The following ATP11B variants were observed in gnomAD, a reference collection of about 807,000 sequenced individuals.
The protein encoded by ATP11B is phospholipid-transporting ATPase IF.
Under a neutral mutation model 157.8 loss-of-function variants are expected in ATP11B, and 81 were observed. The observed-to-expected ratio is 0.51, with a 90% CI of 0.43 to 0.62. ATP11B has a LOEUF of 0.62. Ranked by LOEUF, ATP11B falls within the 20% of genes least tolerant of loss-of-function variation. The pLI, the probability that ATP11B is intolerant of heterozygous loss-of-function variation, is 0.00. For synonymous variants in ATP11B, 451 were observed against 469.4 expected (o/e 0.96, Z 0.51); for missense variants, 1,165 against 1,402.2 (o/e 0.83, Z 2.70).
chr3:182,844,562 CAAG>C, intron 8 of ATP11B: 2 of 984,814 alleles, frequency 2.0e-6, no homozygotes, highest in Non-Finnish European at 2.4e-6. Context: ...ATTCAAACAG[CAAG>C]AAGACCTGTG....
intron 20 of ATP11B, among the ~76,000 whole-genome samples, chr3:182,880,362 T>C (rs1722334840): frequency 6.6e-6 from 1 of 152,184 alleles, no homozygotes; most frequent in Non-Finnish European, 1.5e-5. Flanking sequence ...CTATGGAGAC[T>C]AAAACTGGAG....
rs539139432 is a variant in ATP11B, at chr3:182,882,753, C to G, written c.2509+1772C>G. Among the ~76,000 whole-genome samples, 6 of 152,020 alleles carry G rather than the reference C, an allele frequency of 3.9e-5. No homozygotes were observed. In the South Asian group the frequency reaches 1.2e-3, roughly 32 times the overall value. On this transcript the variant is annotated intron_variant, in intron 21 of 29. Transcript: ENST00000323116. Reference sequence around the variant, plus strand: ...CAAAACAAATTTTAAAAACAAAGGACAAACTAGTAAAGAATATTTGTAAAA... The same window carrying G: ...CAAAACAAATTTTAAAAACAAAGGAGAAACTAGTAAAGAATATTTGTAAAA...
At chr3:182,870,735 A>G (rs1445786190) in intron 17 of ATP11B, among the ~76,000 whole-genome samples, 1 of 152,044 alleles carries the variant, frequency 6.6e-6, no homozygotes, top group Admixed American at 6.6e-5. Flanking sequence ...GCACTTTGGG[A>G]GGCCGAGGCT....
At chr3:182,896,374 A>G (rs151112820) in intron 25 of ATP11B, among the ~76,000 whole-genome samples, 2 of 152,314 alleles carry the variant, frequency 1.3e-5, no homozygotes, top group African/African-American at 4.8e-5. Context: ...TTTTGTTACC[A>G]TTTTTACTGT....
At chr3:182,866,176 T>G in intron 13 of ATP11B, 92 bp from the exon 14 acceptor site, 1 of 970,834 alleles carries the variant, frequency 1.0e-6, no homozygotes, top group Non-Finnish European at 1.4e-6. Flanking sequence ...GTTGTAGCAC[T>G]CTTGTTCTAG....
At chr3:182,848,887 A>C (rs1459387624) in intron 10 of ATP11B, among the ~76,000 whole-genome samples, 1 of 152,230 alleles carries the variant, frequency 6.6e-6, no homozygotes. Flanking sequence ...CCAGAATCGA[A>C]TAGAAATGGG....
At chr3:182,816,653 T>C (rs948254078) in intron 1 of ATP11B, among the ~76,000 whole-genome samples, 33 of 152,210 alleles carry the variant, frequency 2.2e-4, no homozygotes, top group African/African-American at 6.8e-4. Flanking sequence ...GTTTTAAATA[T>C]AGAATTTCAA....
At position 182,921,426 on chromosome 3, in the gene ATP11B, T is replaced by C. The variant is rs1725481939; in HGVS notation, c.*3322T>C. On this transcript the variant is annotated 3_prime_UTR_variant, in exon 30 of 30. Coordinates refer to ENST00000323116, the MANE Select transcript of ATP11B (RefSeq NM_014616.3). Reference sequence around the variant, plus strand: ...TGATATGTTTGTAATCATGGTAATTTAGATTTTTATGAGGAATGAGTATCT... The same window carrying C: ...TGATATGTTTGTAATCATGGTAATTCAGATTTTTATGAGGAATGAGTATCT... The C allele has an allele frequency of 1.3e-5, 2 of 152,150 alleles. No individual in the cohort carries two copies. The highest frequency in any genetic ancestry group is 4.8e-5 in the African/African-American group (2 of 41,392). 9.4% of individuals were successfully genotyped at this position (152,150 alleles called of 1,614,324 possible). A position where few individuals can be genotyped will look rare whatever the true frequency, so the allele number is the denominator to read the frequency against.
chr3:182,838,021 GTCATATTATATATC>G (rs1202612304), intron 7 of ATP11B, among the ~76,000 whole-genome samples: 1 of 152,024 alleles, frequency 6.6e-6, no homozygotes, highest in Admixed American at 6.5e-5. Context: ...TCAGCTTCTT[GTCATATTATATATC>G]TCCCCCTGTT....
At chr3:182,847,270 C>G (rs1719608487) in intron 9 of ATP11B, among the ~76,000 whole-genome samples, 1 of 152,130 alleles carries the variant, frequency 6.6e-6, no homozygotes, top group African/African-American at 2.4e-5. Flanking sequence ...AACTCCTGAC[C>G]TCAAGTGATC....
At chr3:182,834,188 T>C (rs1264226100) in intron 4 of ATP11B, among the ~76,000 whole-genome samples, 1 of 152,218 alleles carries the variant, frequency 6.6e-6, no homozygotes, top group Admixed American at 6.5e-5. Flanking sequence ...ATTTTGACTT[T>C]CAATTAAATT....
At position 182,887,713 on chromosome 3, in the gene ATP11B, G is replaced by C. The variant is rs371687165; in HGVS notation, c.2843G>C (p.Arg948Pro). The change falls in exon 24 of 30, where the codon CGA (arginine) becomes CCA (proline). Residue 948 changes from arginine (R) to proline (P), a missense_variant and splice_region_variant. Physicochemically the swap from Arg to Pro is moderately radical, Grantham distance 103. Coordinates refer to ENST00000323116, the MANE Select transcript of ATP11B (RefSeq NM_014616.3). ...TTACAAAATAAGCCCACCCTTTATC[G>C]GTAAGTATTTTCTGGTATTAAATGG... ...HVLQNKPTLY[R>P]DISKNRLLSI... 1 of 1,606,494 alleles carries C rather than the reference G, an allele frequency of 6.2e-7. No individual in the cohort carries two copies. The highest frequency in any genetic ancestry group is 2.2e-5 in the East Asian group (1 of 44,514).
At chr3:182,891,437 A>G (rs1314524704) in intron 25 of ATP11B, among the ~76,000 whole-genome samples, 1 of 152,102 alleles carries the variant, frequency 6.6e-6, no homozygotes, top group Non-Finnish European at 1.5e-5. Flanking sequence ...ACTTGTTTCA[A>G]TTCTTTTTTG....
intron 10 of ATP11B, among the ~76,000 whole-genome samples, chr3:182,851,978 T>A (rs931575055): frequency 5.3e-5 from 8 of 152,218 alleles, no homozygotes; most frequent in Non-Finnish European, 4.4e-5. Context: ...CTATGAAAAC[T>A]GAACACTAGA....
chr3:182,819,601 A>G (rs1717198922), intron 1 of ATP11B, among the ~76,000 whole-genome samples: 1 of 152,170 alleles, frequency 6.6e-6, no homozygotes, highest in Non-Finnish European at 1.5e-5. Flanking sequence ...ATTACAGCAT[A>G]TTCATATCTC....
chr3:182,860,097 G>GT (rs1279108333), intron 12 of ATP11B, among the ~76,000 whole-genome samples: 1 of 152,014 alleles, frequency 6.6e-6, no homozygotes, highest in Non-Finnish European at 1.5e-5. Flanking sequence ...CCTCTCTCCT[G>GT]TTTTGGATCT....
At chr3:182,855,016 T>C (rs1469615220) in intron 10 of ATP11B, among the ~76,000 whole-genome samples, 1 of 152,162 alleles carries the variant, frequency 6.6e-6, no homozygotes, top group African/African-American at 2.4e-5. Context: ...ATAGGTATAA[T>C]GCAATTTCTA....
At chr3:182,917,388 A>G in intron 29 of ATP11B, 1 of 985,380 alleles carries the variant, frequency 1.0e-6, no homozygotes, top group Non-Finnish European at 1.2e-6. Context: ...ACAGCTGCAC[A>G]TAAAGTATTA....
rs1395076743 is a variant in ATP11B at position 182,918,815 on chromosome 3, AC to A, written c.*713del. The A allele has an allele frequency of 1.3e-5, 2 of 154,792 alleles. No homozygotes were observed. The highest frequency in any genetic ancestry group is 4.8e-5 in the African/African-American group (2 of 41,590). 9.6% of individuals were successfully genotyped at this position (154,792 alleles called of 1,614,324 possible). On this transcript the variant is annotated 3_prime_UTR_variant, in exon 30 of 30. Transcript: ENST00000323116. Reference sequence around the variant, plus strand: ...TACAAATCAGGAATCAGGTCCGTTCACCGAACTTCAAATTGATGTTTACTAA... The same window carrying A: ...TACAAATCAGGAATCAGGTCCGTTCACGAACTTCAAATTGATGTTTACTAA...
Sources: allele counts gnomAD v4.1 joint callset (sites outside exome capture counted in the v4.1 genomes callset), GRCh38; gene constraint gnomAD v4.1.1; transcripts MANE v1.5; gene names NCBI Gene and HGNC (gene_info 2026-07-23, HGNC 2026-07-21).